The following TBC1D30 variants were observed in gnomAD, a reference collection of about 807,000 sequenced individuals.
TBC1D30 encodes TBC1 domain family member 30.
Under a neutral mutation model 63.2 loss-of-function variants are expected in TBC1D30, and 31 were observed. That is an observed-to-expected ratio of 0.49 (90% confidence interval 0.37 to 0.66). The LOEUF (loss-of-function observed/expected upper bound fraction) is 0.66. Ranked by LOEUF, TBC1D30 falls within the 30% of genes least tolerant of loss-of-function variation. TBC1D30 has a pLI of 0.00. For synonymous variants in TBC1D30, 307 were observed against 361.5 expected, an observed-to-expected ratio of 0.85 and a Z score of 1.71; for missense variants, 810 against 953.6, an observed-to-expected ratio of 0.85 and a Z score of 1.98.
At chr12:64,815,527 A>G (rs998027345) in intron 2 of TBC1D30, among the ~76,000 whole-genome samples, 11 of 152,342 alleles carry the variant, frequency 7.2e-5, no homozygotes, top group African/African-American at 2.2e-4. Flanking sequence ...ATTTATTGCA[A>G]AGTAAGACTA....
chr12:64,861,601 C>T (rs1195125929), intron 8 of TBC1D30, among the ~76,000 whole-genome samples: 3 of 151,998 alleles, frequency 2.0e-5, no homozygotes, highest in Non-Finnish European at 4.4e-5. Flanking sequence ...TTCTTATTAG[C>T]AATGGTCATT....
rs542828655 is a variant in TBC1D30 at position 64,810,620 on chromosome 12, C to CA, written c.644-17205dup. ...TCCGTCTCAAAAAACAAAACAAAAC[C>CA]AAAAAAAAAACCCCGAAGTACTACT... On this transcript the variant is annotated intron_variant, in intron 2 of 12. Coordinates refer to the TBC1D30 transcript ENST00000542120. 3.4e-3 allele frequency among the ~76,000 whole-genome samples: 495 copies of CA among 147,394 alleles called. 1 individual carries two copies. Among genetic ancestry groups the CA allele is most frequent in the South Asian group, 0.014 (63 of 4,640 alleles).
At chr12:64,838,873 C>T (rs1166234453) in intron 7 of TBC1D30, 22 bp downstream of exon 7, 1 of 1,534,832 alleles carries the variant, frequency 6.5e-7, no homozygotes, top group Non-Finnish European at 8.7e-7. Flanking sequence ...CCACCTTCTG[C>T]TCTGTTCTGT....
intron 2 of TBC1D30, among the ~76,000 whole-genome samples, chr12:64,800,904 G>A (rs886482452): frequency 2.0e-4 from 31 of 152,132 alleles, no homozygotes; most frequent in African/African-American, 7.5e-4. Flanking sequence ...TCATGCAATG[G>A]TGGGGACAGA....
At chr12:64,764,677 C>A (rs1870640721) in intron 1 of TBC1D30, among the ~76,000 whole-genome samples, 1 of 152,150 alleles carries the variant, frequency 6.6e-6, no homozygotes, top group South Asian at 2.1e-4. Context: ...GACTTGCTAA[C>A]TTTGGGTGGA....
chr12:64,794,896 A>G (rs1872158683), intron 2 of TBC1D30, among the ~76,000 whole-genome samples: 1 of 152,238 alleles, frequency 6.6e-6, no homozygotes, highest in Non-Finnish European at 1.5e-5. Context: ...CTTGTTTCAT[A>G]GATGCAATAT....
intron 8 of TBC1D30, among the ~76,000 whole-genome samples, chr12:64,847,504 G>A (rs544583978): frequency 9.5e-4 from 144 of 152,104 alleles, no homozygotes; most frequent in Non-Finnish European, 1.8e-3. Context: ...GTTTTTTGAT[G>A]TAGGCACTTA....
chr12:64,832,030 ACT>A (rs1555170878), intron 4 of TBC1D30, 87 bp from the exon 5 acceptor site: 3 of 1,245,002 alleles, frequency 2.4e-6, no homozygotes, highest in Non-Finnish European at 3.2e-6. Context: ...CGATGATTTG[ACT>A]CTGTTTATTG....
chr12:64,872,169 A>C (rs1231392343), intron 11 of TBC1D30, among the ~76,000 whole-genome samples: 1 of 152,172 alleles, frequency 6.6e-6, no homozygotes. Context: ...CTGGGATTAC[A>C]GGCATGCACC....
intron 1 of TBC1D30, among the ~76,000 whole-genome samples, chr12:64,762,134 A>C (rs991265637): frequency 1.3e-5 from 2 of 152,164 alleles, no homozygotes; most frequent in Non-Finnish European, 2.9e-5. Flanking sequence ...AGTAGGAGAT[A>C]ATTTGTTAAT....
At chr12:64,807,714 C>G (rs1872952560) in intron 2 of TBC1D30, among the ~76,000 whole-genome samples, 1 of 151,708 alleles carries the variant, frequency 6.6e-6, no homozygotes, top group Non-Finnish European at 1.5e-5. Flanking sequence ...GTTTTTTTAC[C>G]AGTTTAAAAA....
chr12:64,800,105 CAAACA>C (rs753762882), intron 2 of TBC1D30, among the ~76,000 whole-genome samples: 21 of 152,080 alleles, frequency 1.4e-4, no homozygotes, highest in African/African-American at 4.3e-4. Context: ...GACTCCCTCT[CAAACA>C]AAACAAAACA....
At chr12:64,790,580 T>C (rs1871860799) in intron 2 of TBC1D30, among the ~76,000 whole-genome samples, 1 of 152,200 alleles carries the variant, frequency 6.6e-6, no homozygotes, top group Non-Finnish European at 1.5e-5. Context: ...AATGTGAATA[T>C]ATGCAGAAAT....
upstream of TBC1D30, among the ~76,000 whole-genome samples, chr12:64,820,114 C>T (rs1167025505): frequency 6.6e-6 from 1 of 152,082 alleles, no homozygotes; most frequent in East Asian, 1.9e-4. Flanking sequence ...ATTGTCAGTC[C>T]CTGAAGATAA....
exon 1 of TBC1D30, chr12:64,780,818 C>T: frequency 1.0e-6 from 1 of 995,338 alleles, no homozygotes; most frequent in Non-Finnish European, 1.2e-6. Context: ...CATGGACGTC[C>T]TTCCCACCGG....
chr12:64,837,119 C>A (rs1875436321), intron 6 of TBC1D30, among the ~76,000 whole-genome samples: 1 of 152,134 alleles, frequency 6.6e-6, no homozygotes, highest in Non-Finnish European at 1.5e-5. Context: ...TATCTGAGCT[C>A]ATAGCTGTCA....
At chr12:64,872,616 TTA>T (rs1368178655) in intron 11 of TBC1D30, among the ~76,000 whole-genome samples, 1 of 152,172 alleles carries the variant, frequency 6.6e-6, no homozygotes, top group African/African-American at 2.4e-5. Flanking sequence ...GGAGCTGAAA[TTA>T]TATGTTTCTA....
intron 2 of TBC1D30, among the ~76,000 whole-genome samples, chr12:64,808,208 T>C (rs1349357855): frequency 6.6e-6 from 1 of 152,168 alleles, no homozygotes; most frequent in Non-Finnish European, 1.5e-5. Flanking sequence ...CACATGCTAT[T>C]TCCTCCGCCT....
rs564939044 is a variant in TBC1D30, at chr12:64,766,499, A to T, written c.-376+6850A>T. 1.5e-4 allele frequency among the ~76,000 whole-genome samples: 23 copies of T among 152,216 alleles called. 1 individual carries two copies. The highest frequency in any genetic ancestry group is 1.2e-3 in the Admixed American group (19 of 15,280). On this transcript the variant is annotated intron_variant, in intron 1 of 13. Transcript: ENST00000674237. ...AAAAGGTTCAATCCATCAGGAAGAT[A>T]TAACAATTATAAATATATATGGACC...
Sources: allele counts gnomAD v4.1 joint callset (sites outside exome capture counted in the v4.1 genomes callset), GRCh38; gene constraint gnomAD v4.1.1; transcripts MANE v1.5; gene names NCBI Gene and HGNC (gene_info 2026-07-23, HGNC 2026-07-21).